The following CDCA7L variants were observed in gnomAD, a reference collection of about 807,000 sequenced individuals.
CDCA7L encodes cell division cycle-associated 7-like protein.
Under a neutral mutation model 57.4 loss-of-function variants are expected in CDCA7L, and 44 were observed. The observed-to-expected ratio is 0.77, with a 90% CI of 0.60 to 0.98. The LOEUF (loss-of-function observed/expected upper bound fraction) is 0.98. Ranked by LOEUF, CDCA7L falls within the 50% of genes least tolerant of loss-of-function variation. The probability of loss-of-function intolerance (pLI) is 0.00; values close to 1 mark genes in which losing one functional copy is unlikely to be tolerated. For synonymous variants in CDCA7L, 236 were observed against 202.8 expected (o/e 1.16, Z -1.39); for missense variants, 644 against 580.6 (o/e 1.11, Z -1.12).
At chr7:21,916,657 A>G in intron 2 of CDCA7L, 97 bp downstream of exon 2, 2 of 1,114,596 alleles carry the variant, frequency 1.8e-6, no homozygotes, top group Admixed American at 3.9e-5. Flanking sequence ...CAATGAACTG[A>G]TATCACCAAT....
chr7:21,908,504 C>T lies in CDCA7L; in HGVS notation c.307G>A (p.Val103Met), dbSNP rs370049835. 95 of 1,514,748 alleles carry T rather than the reference C, an allele frequency of 6.3e-5. No homozygotes were observed. In the African/African-American group the frequency reaches 8.7e-4, roughly 14 times the overall value. The allele number at this position is 1,514,748 out of a possible 1,614,324, so 93.8% of individuals were successfully genotyped here. The change falls in exon 4 of 10, where the codon GTG (valine) becomes ATG (methionine). Residue 103 changes from valine (V) to methionine (M), a missense_variant. Physicochemically the swap from Val to Met is conservative, Grantham distance 21 (BLOSUM62 1). Coordinates refer to ENST00000406877, the MANE Select transcript of CDCA7L (RefSeq NM_018719.5). ...NGKTNPEVMV[V>M]ESDLSDDGKA... ...CCATCATCACTCAAATCTGACTCCA[C>T]GACCTAATAAAATAAGAGCAAGAAA...
At chr7:21,902,948 T>C in intron 9 of CDCA7L, 30 bp downstream of exon 9, 1 of 1,603,498 alleles carries the variant, frequency 6.2e-7, no homozygotes, top group Non-Finnish European at 8.5e-7. Context: ...GATTTCAAGC[T>C]GTTTTGTAAG....
intron 1 of CDCA7L, among the ~76,000 whole-genome samples, chr7:21,924,054 G>A (rs766436751): frequency 3.3e-5 from 5 of 152,166 alleles, no homozygotes; most frequent in South Asian, 2.1e-4. Context: ...TTAACGTGAA[G>A]TATTGTTCAT....
chr7:21,921,208 T>C (rs1247604920), intron 1 of CDCA7L, among the ~76,000 whole-genome samples: 1 of 152,126 alleles, frequency 6.6e-6, no homozygotes, highest in Non-Finnish European at 1.5e-5. Context: ...ATTAGGGGGC[T>C]ATAATTACTG....
chr7:21,935,900 T>C (rs983725635), intron 1 of CDCA7L, among the ~76,000 whole-genome samples: 1 of 151,966 alleles, frequency 6.6e-6, no homozygotes, highest in Non-Finnish European at 1.5e-5. Flanking sequence ...TCCCAGCTAC[T>C]TGGGAGGCTG....
At chr7:21,944,964 T>C (rs1240858772) in intron 1 of CDCA7L, 1 of 152,238 alleles carries the variant, frequency 6.6e-6, no homozygotes, top group Non-Finnish European at 1.5e-5. Flanking sequence ...TTAAAGGTTG[T>C]ATTTTTAGTT....
chr7:21,902,126 A>ATAGATTCCTCTGCTCTGCTGT lies in CDCA7L; in HGVS notation c.*175_*195dup. ...CAGACAGGTCTGTGCATACATCTAT[A>ATAGATTCCTCTGCTCTGCTGT]TAGATTCCTCTGCTCTGCTGTCTTC... On this transcript the variant is annotated 3_prime_UTR_variant, in exon 10 of 10. Coordinates refer to ENST00000406877, the MANE Select transcript of CDCA7L (RefSeq NM_018719.5). 1 of 626,488 alleles carries ATAGATTCCTCTGCTCTGCTGT rather than the reference A, an allele frequency of 1.6e-6. No individual in the cohort carries two copies. The highest frequency in any genetic ancestry group is 2.0e-5 in the South Asian group (1 of 50,980). The allele number at this position is 626,488 out of a possible 1,614,324, so 38.8% of individuals were successfully genotyped here.
intron 1 of CDCA7L, among the ~76,000 whole-genome samples, chr7:21,917,910 G>A (rs1052417238): frequency 2.6e-5 from 2 of 77,326 alleles, no homozygotes; most frequent in African/African-American, 7.9e-5. Flanking sequence ...TCAATAGTAC[G>A]ATTTACTGTA....
At position 21,911,680 on chromosome 7, in the gene CDCA7L, C is replaced by G. The variant is rs768537964; in HGVS notation, c.240G>C (p.Glu80Asp). ...GCGTAAATCCTGCAAAATCCTCAGT[C>G]TCTGAGTCAGTGTCCTCTATAAAAA... ...RRIFIEDTDS[E>D]TEDFAGFTQS... Residue 80 changes from glutamate to aspartate, a missense_variant, in exon 3 of 10, where the codon GAG (glutamate) becomes GAC (aspartate). By Grantham distance (45) the Glu-to-Asp change is conservative. Transcript: ENST00000406877. 4 of 1,613,764 alleles carry G rather than the reference C, an allele frequency of 2.5e-6. No homozygotes were observed. In the African/African-American group the frequency reaches 5.3e-5, roughly 22 times the overall value.
chr7:21,904,038 C>T (rs897490281), intron 8 of CDCA7L, 72 bp downstream of exon 8: 18 of 1,420,972 alleles, frequency 1.3e-5, no homozygotes, highest in Non-Finnish European at 1.7e-5. Context: ...CAGTGAGAAC[C>T]CAGGAGGCCC....
intron 9 of CDCA7L, 68 bp from the exon 10 acceptor site, chr7:21,902,420 G>T: frequency 6.9e-7 from 1 of 1,445,036 alleles, no homozygotes; most frequent in Non-Finnish European, 9.7e-7. Flanking sequence ...AGGCTTGAGA[G>T]ATTCCACAAT....
chr7:21,939,257 C>T (rs1157664380), intron 1 of CDCA7L, among the ~76,000 whole-genome samples: 2 of 152,108 alleles, frequency 1.3e-5, no homozygotes, highest in East Asian at 1.9e-4. Context: ...GATGAAAAAG[C>T]TCATGAGAGA....
At chr7:21,915,587 C>T (rs976387940) in intron 2 of CDCA7L, among the ~76,000 whole-genome samples, 2 of 139,908 alleles carry the variant, frequency 1.4e-5, no homozygotes, top group Non-Finnish European at 3.0e-5. Flanking sequence ...CACCTGAGGT[C>T]GGGAGTTTGA....
At chr7:21,911,988 TAC>T (rs1282149912) in intron 2 of CDCA7L, among the ~76,000 whole-genome samples, 5 of 148,008 alleles carry the variant, frequency 3.4e-5, no homozygotes, top group Non-Finnish European at 6.0e-5. Flanking sequence ...ACTGGCCGGG[TAC>T]AGTGGCTCAC....
intron 1 of CDCA7L, among the ~76,000 whole-genome samples, chr7:21,942,877 G>A (rs111233453): frequency 2.0e-5 from 3 of 152,170 alleles, no homozygotes; most frequent in Non-Finnish European, 2.9e-5. Flanking sequence ...TAAACAACAG[G>A]ATCAGATGGG....
intron 1 of CDCA7L, among the ~76,000 whole-genome samples, chr7:21,937,032 A>C (rs1467929084): frequency 1.3e-5 from 2 of 152,230 alleles, no homozygotes. Flanking sequence ...AAAATTAAGA[A>C]AACGATTCCA....
At chr7:21,908,604 C>A in intron 3 of CDCA7L, 97 bp from the exon 4 acceptor site, 1 of 1,292,740 alleles carries the variant, frequency 7.7e-7, no homozygotes, top group Non-Finnish European at 1.0e-6. Context: ...TGAGAAAAAA[C>A]ATGAAAAATG....
intron 3 of CDCA7L, among the ~76,000 whole-genome samples, chr7:21,910,154 G>A (rs184045845): frequency 1.3e-5 from 2 of 152,348 alleles, no homozygotes; most frequent in Admixed American, 1.3e-4. Flanking sequence ...CACTAGAAAT[G>A]CAAATGCTTC....
chr7:21,902,241 AAATC>A lies in CDCA7L; in HGVS notation c.*77_*80del. ...TCTGTATAAAAACACAACTGTAAAAAAATCTTTCTTAGGCACCAATGGTATGCAT... is the reference window on the plus strand; with the variant it reads ...TCTGTATAAAAACACAACTGTAAAAATTTCTTAGGCACCAATGGTATGCAT... On this transcript the variant is annotated 3_prime_UTR_variant, in exon 10 of 10. Transcript: ENST00000406877. 1 of 1,205,514 alleles carries A rather than the reference AAATC, an allele frequency of 8.3e-7. No individual in the cohort carries two copies. The highest frequency in any genetic ancestry group is 1.2e-6 in the Non-Finnish European group (1 of 849,720). 74.7% of individuals were successfully genotyped at this position (1,205,514 alleles called of 1,614,324 possible).
Sources: gnomAD v4.1 joint callset for allele counts (sites outside exome capture counted in the v4.1 genomes callset) on GRCh38, gnomAD v4.1.1 for gene constraint, MANE v1.5 for transcripts, NCBI Gene and HGNC (gene_info 2026-07-23, HGNC 2026-07-21) for gene names.